The following FADS2 variants were observed in gnomAD, a reference collection of about 807,000 sequenced individuals.
FADS2 encodes acyl-CoA 6-desaturase.
In FADS2, 18 loss-of-function variants were observed where a neutral mutation model predicts 61.2. The ratio of observed to expected loss-of-function variants is 0.29; its 90% CI spans 0.20 to 0.44. The LOEUF (loss-of-function observed/expected upper bound fraction) is 0.44. Ranked by LOEUF, FADS2 falls within the 20% of genes least tolerant of loss-of-function variation. The pLI is 1.00. For synonymous variants in FADS2, 203 were observed against 223.9 expected, an observed-to-expected ratio of 0.91 and a Z score of 0.83; for missense variants, 322 against 572.7, an observed-to-expected ratio of 0.56 and a Z score of 4.47.
At chr11:61,840,202 G>A (rs1591169712) in intron 2 of FADS2, 132 bp from the exon 3 acceptor site, 2 of 732,520 alleles carry the variant, frequency 2.7e-6, no homozygotes, top group South Asian at 1.6e-5. Flanking sequence ...GAGGGTCGAG[G>A]CTTGTGGCTT....
At chr11:61,822,216 G>A (rs746670327) in intron 1 of FADS2, among the ~76,000 whole-genome samples, 3 of 152,148 alleles carry the variant, frequency 2.0e-5, no homozygotes, top group East Asian at 1.9e-4. Flanking sequence ...TGATCCACCC[G>A]CCTCAGACTC....
chr11:61,821,758 T>G (rs1389668672), intron 1 of FADS2, among the ~76,000 whole-genome samples: 3 of 152,266 alleles, frequency 2.0e-5, no homozygotes, highest in Non-Finnish European at 4.4e-5. Flanking sequence ...AAAAGTCATC[T>G]GTAATAATTC....
rs141518246 is a variant in FADS2 at position 61,836,816 on chromosome 11, A to G, written c.208-962A>G. 2.7e-3 allele frequency among the ~76,000 whole-genome samples: 412 copies of G among 152,314 alleles called. 3 individuals carry two copies. In the East Asian group the frequency reaches 0.063, roughly 23 times the overall value. ...ATGGTGGAGTTTGACTGGTTTGCCA[A>G]TCCTACCAATGTCTGGAAGCTTGAT... is the stretch of plus-strand genomic sequence containing the variant. On this transcript the variant is annotated intron_variant, in intron 1 of 11. Coordinates refer to ENST00000278840, the MANE Select transcript of FADS2 (RefSeq NM_004265.4).
At chr11:61,849,086 G>C (rs1309789964) in intron 5 of FADS2, among the ~76,000 whole-genome samples, 1 of 152,094 alleles carries the variant, frequency 6.6e-6, no homozygotes. Flanking sequence ...TTTTAGTAGA[G>C]ACAGGGTTTC....
In FADS2 at chr11:61,865,490, C is replaced by G; in HGVS notation, c.1284-148C>G. 1 of 927,182 alleles carries G rather than the reference C, an allele frequency of 1.1e-6. No homozygotes were observed. 57.4% of individuals were successfully genotyped at this position (927,182 alleles called of 1,614,324 possible). ...GGGTTCCTGGTGGGCTCTGAGCTGA[C>G]AGCCCCACAGGCCCAGTGGCAGTGG... On this transcript the variant is annotated intron_variant, in intron 11 of 11. Coordinates refer to ENST00000278840, the MANE Select transcript of FADS2 (RefSeq NM_004265.4). This position sits in a 1 kb window ranked among gnomAD's most constrained non-coding sequence, Gnocchi z 4.1.
chr11:61,826,039 C>T (rs73487473), upstream of FADS2: 742 of 702,080 alleles, frequency 1.1e-3, 6 homozygotes, highest in African/African-American at 0.011. Context: ...CAGTTTCTCC[C>T]GTACATCCCA....
chr11:61,865,335 G>T lies in FADS2; in HGVS notation c.1283+58G>T. Reference sequence around the variant, plus strand: ...TGGGATCACCCGTGGTGCAGACAGTGGGATCACAAGAGGGGCTGGGCCCTC... The same window carrying T: ...TGGGATCACCCGTGGTGCAGACAGTTGGATCACAAGAGGGGCTGGGCCCTC... On this transcript the variant is annotated intron_variant, in intron 11 of 11. Transcript: ENST00000278840. The surrounding 1 kb of genome is among the most constrained non-coding windows in gnomAD (Gnocchi z 4.1). The T allele has an allele frequency of 6.3e-7, 1 of 1,591,910 alleles. No individual in the cohort carries two copies. Among genetic ancestry groups the T allele is most frequent in the South Asian group, 1.1e-5 (1 of 88,618 alleles).
chr11:61,860,819 G>A (rs2135978843), intron 7 of FADS2, among the ~76,000 whole-genome samples: 1 of 152,268 alleles, frequency 6.6e-6, no homozygotes, highest in African/African-American at 2.4e-5. Context: ...GAGGTAGGAG[G>A]ATGGCTTGAG....
Position 61,840,337 on chromosome 11 carries a change from A to C in FADS2, c.322A>C (p.Lys108Gln). 1.2e-6 allele frequency: 2 copies of C among 1,614,020 alleles called. No homozygotes were observed. Among genetic ancestry groups the C allele is most frequent in the Non-Finnish European group, 1.7e-6 (2 of 1,179,944 alleles). Reference sequence around the variant, plus strand: ...TCCCTGTGCTCTTGGTCAACAGTCAAAGATCACTGAGGACTTCCGGGCCCT... The same window carrying C: ...TCCCTGTGCTCTTGGTCAACAGTCACAGATCACTGAGGACTTCCGGGCCCT... Reference protein sequence around the residue: ...EPSQDHGKNSKITEDFRALRK... With the variant: ...EPSQDHGKNSQITEDFRALRK... The change falls in exon 3 of 12, where the codon AAG becomes CAG. Residue 108 changes from lysine to glutamine, a missense_variant. Physicochemically the swap from Lys to Gln is moderately conservative, Grantham distance 53. Around this residue, in one of 3 missense-constraint regions of FADS2, gnomAD observed 40 missense variants for 37.3 expected, o/e 1.07. Coordinates refer to ENST00000278840, the MANE Select transcript of FADS2 (RefSeq NM_004265.4).
At position 61,828,378 on chromosome 11, in the gene FADS2, G is replaced by A. The variant is rs764606067; in HGVS notation, c.-13G>A. The A allele has an allele frequency of 1.5e-5, 23 of 1,553,948 alleles. No homozygotes were observed. Among genetic ancestry groups the A allele is most frequent in the Admixed American group, 2.0e-5 (1 of 51,030 alleles). On this transcript the variant is annotated 5_prime_UTR_variant, in exon 1 of 12. Coordinates refer to ENST00000278840, the MANE Select transcript of FADS2 (RefSeq NM_004265.4). The surrounding 1 kb of genome is among the most constrained non-coding windows in gnomAD (Gnocchi z 6.4). The stretch of plus-strand genomic sequence containing the variant: ...AGGCCGCAGTGCACGGGGCGTCACA[G>A]TCGGCAGGCAGCATGGGGAAGGGAG...
upstream of FADS2, chr11:61,827,888 G>C: frequency 3.4e-6 from 1 of 295,738 alleles, no homozygotes. The surrounding 1 kb of genome is among the most constrained non-coding windows in gnomAD (Gnocchi z 4.5). Context: ...GGGAGGGCGG[G>C]GGAGCCGGGG....
At chr11:61,837,755 C>T (rs900547709) in intron 1 of FADS2, 23 bp from the exon 2 acceptor site, 1 of 1,546,558 alleles carries the variant, frequency 6.5e-7, no homozygotes, top group Admixed American at 1.8e-5. Flanking sequence ...GTCTTAGCCT[C>T]ATCACTGCCC....
chr11:61,831,689 G>A (rs114423929), intron 1 of FADS2, among the ~76,000 whole-genome samples: 1,728 of 152,106 alleles, frequency 0.011, 35 homozygotes, highest in African/African-American at 0.039. Flanking sequence ...TTTCATACTC[G>A]GATCAGCCCC....
chr11:61,858,247 G>A (rs762238977), intron 7 of FADS2, among the ~76,000 whole-genome samples: 109 of 108,352 alleles, frequency 1.0e-3, no homozygotes, highest in Non-Finnish European at 1.5e-3. Context: ...GTGTGATCTC[G>A]ACTCAACTGC....
Position 61,816,864 on chromosome 11 carries a change from C to A in FADS2, c.141+438C>A. On this transcript the variant is annotated intron_variant, in intron 1 of 11. Transcript: ENST00000257261. This position sits in a 1 kb window ranked among gnomAD's most constrained non-coding sequence, Gnocchi z 7.0. ...TTTGCTGGCGCGCGCCCAGAGCCAGCCGCCTGCGCGCCGGGTTTTCAGCAC... is the reference window on the plus strand; with the variant it reads ...TTTGCTGGCGCGCGCCCAGAGCCAGACGCCTGCGCGCCGGGTTTTCAGCAC... 6.8e-7 allele frequency: 1 copy of A among 1,479,058 alleles called. No homozygotes were observed. The highest frequency in any genetic ancestry group is 1.3e-5 in the South Asian group (1 of 77,254). The allele number at this position is 1,479,058 out of a possible 1,614,324, so 91.6% of individuals were successfully genotyped here.
At chr11:61,836,427 T>C (rs1435036775) in intron 1 of FADS2, among the ~76,000 whole-genome samples, 1 of 150,484 alleles carries the variant, frequency 6.6e-6, no homozygotes, top group Non-Finnish European at 1.5e-5. Context: ...GGTCTCACTC[T>C]CTTGCCCAGG....
In FADS2 at chr11:61,854,218, G is replaced by A. The variant is rs1392144361; in HGVS notation, c.745-2793G>A. ...GGGACTCCTCTGGAGGAGGAGATGTGTGGGGTCCTCCACTCCCCACACTTG... is the reference window on the plus strand; with the variant it reads ...GGGACTCCTCTGGAGGAGGAGATGTATGGGGTCCTCCACTCCCCACACTTG... On this transcript the variant is annotated intron_variant, in intron 5 of 11. Coordinates refer to ENST00000278840, the MANE Select transcript of FADS2 (RefSeq NM_004265.4). 3 of 152,408 alleles carry A rather than the reference G, an allele frequency of 2.0e-5. No individual in the cohort carries two copies. In the East Asian group the frequency reaches 5.8e-4, roughly 29 times the overall value. The allele number at this position is 152,408 out of a possible 1,614,324, so 9.4% of individuals were successfully genotyped here. A position where few individuals can be genotyped will look rare whatever the true frequency, so the allele number is the denominator to read the frequency against.
At chr11:61,841,530 C>T (rs11819889) in intron 4 of FADS2, among the ~76,000 whole-genome samples, 4,021 of 149,880 alleles carry the variant, frequency 0.027, 168 homozygotes, top group African/African-American at 0.092. Context: ...GAGACCCCCC[C>T]CCATCTCTCA....
In FADS2 at chr11:61,866,283, C is replaced by T. The variant is rs2067469884; in HGVS notation, c.*594C>T. The T allele has an allele frequency of 3.2e-6, 1 of 315,640 alleles. No individual in the cohort carries two copies. Among genetic ancestry groups the T allele is most frequent in the Non-Finnish European group, 5.8e-6 (1 of 173,866 alleles). The allele number at this position is 315,640 out of a possible 1,614,324, so 19.6% of individuals were successfully genotyped here. A position where few individuals can be genotyped will look rare whatever the true frequency, so the allele number is the denominator to read the frequency against. The stretch of plus-strand genomic sequence containing the variant: ...GTACCCGAGGCCTCTCTTAAGATGT[C>T]CAGGGCCCCAGGCCCGCGGGCACAG... On this transcript the variant is annotated 3_prime_UTR_variant, in exon 12 of 12. Coordinates refer to ENST00000278840, the MANE Select transcript of FADS2 (RefSeq NM_004265.4).
Sources: gnomAD v4.1 joint callset for allele counts (sites outside exome capture counted in the v4.1 genomes callset) on GRCh38, gnomAD v4.1.1 for gene constraint, gnomAD v4.1.1 regional missense constraint, Gnocchi (gnomAD v3.1) non-coding constraint, MANE v1.5 for transcripts, NCBI Gene and HGNC (gene_info 2026-07-23, HGNC 2026-07-21) for gene names.